ERBB4: variants seen among roughly 807,000 people sequenced by gnomAD.
The protein encoded by ERBB4 is erb-b2 receptor tyrosine kinase 4.
Under a neutral mutation model 158.0 loss-of-function variants are expected in ERBB4, and 42 were observed. That is an observed-to-expected ratio of 0.27 (90% confidence interval 0.21 to 0.34). The LOEUF (loss-of-function observed/expected upper bound fraction) is 0.34, where lower values mean the gene tolerates loss of function less well. ERBB4 is among the 10% of genes least tolerant of loss of function. The pLI is 1.00. For synonymous variants in ERBB4, 583 were observed against 558.7 expected (o/e 1.04, Z -0.61); for missense variants, 1,333 against 1,624.1 (o/e 0.82, Z 3.08).
At chr2:212,045,885 A>G (rs2077249706) in intron 2 of ERBB4, among the ~76,000 whole-genome samples, 1 of 152,228 alleles carries the variant, frequency 6.6e-6, no homozygotes, top group Non-Finnish European at 1.5e-5. Context: ...TATCCTTGGC[A>G]GAGATGAACA....
chr2:211,762,213 T>C (rs1432127733), intron 4 of ERBB4, among the ~76,000 whole-genome samples: 2 of 152,190 alleles, frequency 1.3e-5, no homozygotes, highest in Non-Finnish European at 2.9e-5. Flanking sequence ...GAAATGTTTA[T>C]GCAAACAGGG....
chr2:211,972,611 A>G (rs2125206158), intron 2 of ERBB4, among the ~76,000 whole-genome samples: 1 of 152,294 alleles, frequency 6.6e-6, no homozygotes, highest in South Asian at 2.1e-4. Flanking sequence ...CACTCCTGCA[A>G]CTATCTGATA....
chr2:212,295,018 A>G (rs1424059289), intron 1 of ERBB4, among the ~76,000 whole-genome samples: 1 of 152,064 alleles, frequency 6.6e-6, no homozygotes, highest in Non-Finnish European at 1.5e-5. Flanking sequence ...ATGAGGCAGC[A>G]TAGGGAGAAC....
At chr2:211,838,273 T>A (rs1559561242) in intron 3 of ERBB4, among the ~76,000 whole-genome samples, 1 of 151,992 alleles carries the variant, frequency 6.6e-6, no homozygotes. Context: ...TGGTATTTGA[T>A]CCTATCTGAA....
chr2:211,670,348 G>A (rs1036047252), intron 14 of ERBB4, among the ~76,000 whole-genome samples: 2 of 152,096 alleles, frequency 1.3e-5, no homozygotes, highest in Admixed American at 6.5e-5. Context: ...AAGATGTCGT[G>A]TTCTTACCTG....
chr2:212,263,588 C>T (rs1393167347), intron 1 of ERBB4, among the ~76,000 whole-genome samples: 1 of 152,034 alleles, frequency 6.6e-6, no homozygotes. Context: ...AATGATCCTT[C>T]ATTTCTGGAA....
chr2:212,485,205 G>GT (rs996353372), intron 1 of ERBB4, among the ~76,000 whole-genome samples: 21 of 151,690 alleles, frequency 1.4e-4, no homozygotes, highest in African/African-American at 2.2e-4. Context: ...ATTTTCTATA[G>GT]TTTTTTTTCT....
intron 20 of ERBB4, among the ~76,000 whole-genome samples, chr2:211,474,895 G>C (rs1425886504): frequency 6.6e-6 from 1 of 151,878 alleles, no homozygotes; most frequent in East Asian, 1.9e-4. Context: ...AATGACAAGA[G>C]GAAGTAGAAA....
intron 2 of ERBB4, among the ~76,000 whole-genome samples, chr2:212,116,987 A>G (rs1244142432): frequency 1.3e-5 from 2 of 152,224 alleles, no homozygotes; most frequent in Admixed American, 6.5e-5. Context: ...TACAAGTTCC[A>G]TGATTAGATT....
chr2:212,191,555 TGTTATATATAACACATGTGTTATGC>T (rs1310783453), intron 1 of ERBB4, among the ~76,000 whole-genome samples: 2 of 147,656 alleles, frequency 1.4e-5, no homozygotes, highest in African/African-American at 5.0e-5. Context: ...GTGTTATGCC[TGTTATATATAACACATGTGTTATGC>T]CTGTTATATA....
Position 211,633,754 on chromosome 2 carries a change from A to G in ERBB4, c.1947-3160T>C, listed in dbSNP as rs2070240014. ...TTAAACAATATTAAAAGATAGACAT[A>G]TAGGAACCTCTATATTCCAGGCCAA... is the stretch of plus-strand genomic sequence containing the variant. On this transcript the variant is annotated intron_variant, in intron 16 of 27. Coordinates refer to ENST00000342788, the MANE Select transcript of ERBB4 (RefSeq NM_005235.3). 2.0e-5 allele frequency among the ~76,000 whole-genome samples: 3 copies of G among 150,582 alleles called. No homozygotes were observed. The South Asian group carries it at 6.3e-4, about 32-fold the overall frequency.
intron 15 of ERBB4, among the ~76,000 whole-genome samples, chr2:211,663,948 G>A (rs1405300030): frequency 6.6e-6 from 1 of 152,040 alleles, no homozygotes; most frequent in Non-Finnish European, 1.5e-5. Flanking sequence ...CTCACAAGGG[G>A]AGCAGTTTAT....
intron 5 of ERBB4, among the ~76,000 whole-genome samples, chr2:211,744,085 T>G (rs1225816462): frequency 1.3e-5 from 2 of 152,226 alleles, no homozygotes; most frequent in Non-Finnish European, 2.9e-5. Context: ...TTAAGTTGAA[T>G]GAGTTTGTTT....
At chr2:211,392,290 C>G (rs1259709258) in intron 25 of ERBB4, among the ~76,000 whole-genome samples, 1 of 152,020 alleles carries the variant, frequency 6.6e-6, no homozygotes, top group African/African-American at 2.4e-5. Context: ...CAACTGAGTT[C>G]AACATACCAG....
Position 211,630,454 on chromosome 2 carries a change from TA to T in ERBB4, c.2079+7del. 1 of 1,610,782 alleles carries T rather than the reference TA, an allele frequency of 6.2e-7. No homozygotes were observed. The highest frequency in any genetic ancestry group is 2.2e-5 in the East Asian group (1 of 44,834). On this transcript the variant is annotated splice_region_variant and intron_variant, in intron 17 of 27. Coordinates refer to ENST00000342788, the MANE Select transcript of ERBB4 (RefSeq NM_005235.3). Reference sequence around the variant, plus strand: ...CAAACACATGAAGAGGAGAAAGAAATACCTCACCTCTGTTTCCAAGAATCTT... The same window carrying T: ...CAAACACATGAAGAGGAGAAAGAAATCCTCACCTCTGTTTCCAAGAATCTT...
chr2:212,229,782 A>T (rs987081443), intron 1 of ERBB4, among the ~76,000 whole-genome samples: 2 of 152,188 alleles, frequency 1.3e-5, no homozygotes, highest in Non-Finnish European at 2.9e-5. Flanking sequence ...ATTTTACAGT[A>T]TTTAATGTTT....
chr2:211,451,577 A>G (rs2064248100), intron 20 of ERBB4, among the ~76,000 whole-genome samples: 1 of 152,146 alleles, frequency 6.6e-6, no homozygotes, highest in African/African-American at 2.4e-5. Flanking sequence ...AGAAAGCCCA[A>G]CTATTCCTAG....
In ERBB4 at chr2:212,247,565, G is replaced by A. The variant is rs150179910; in HGVS notation, c.83-122662C>T. Among the ~76,000 whole-genome samples, 1,243 of 152,226 alleles carry A rather than the reference G, an allele frequency of 8.2e-3. 12 individuals carry two copies. Among genetic ancestry groups the A allele is most frequent in the Middle Eastern group, 0.044 (13 of 294 alleles). ...AAAATATTTGATGTATCTACTTGCA[G>A]GAGCCTTCAACATACATTCAAAAAT... is the stretch of plus-strand genomic sequence containing the variant. On this transcript the variant is annotated intron_variant, in intron 1 of 27. Coordinates refer to ENST00000342788, the MANE Select transcript of ERBB4 (RefSeq NM_005235.3).
At chr2:212,389,026 A>G (rs2090768099) in intron 1 of ERBB4, among the ~76,000 whole-genome samples, 2 of 152,092 alleles carry the variant, frequency 1.3e-5, no homozygotes. Context: ...GTGATCTGAG[A>G]AACTGGTGAA....
Sources: allele counts gnomAD v4.1 joint callset (sites outside exome capture counted in the v4.1 genomes callset), GRCh38; gene constraint gnomAD v4.1.1; transcripts MANE v1.5; gene names NCBI Gene and HGNC (gene_info 2026-07-23, HGNC 2026-07-21).